NEO1: variants seen among roughly 807,000 people sequenced by gnomAD.
The protein encoded by NEO1 is neogenin.
Under a neutral mutation model 159.7 loss-of-function variants are expected in NEO1, and 63 were observed. The ratio of observed to expected loss-of-function variants is 0.39; its 90% CI spans 0.32 to 0.49. The LOEUF is 0.49. Among genes scored for constraint, NEO1 ranks in the 20% least tolerant of loss-of-function variants. The probability of loss-of-function intolerance (pLI) is 0.85; values close to 1 mark genes in which losing one functional copy is unlikely to be tolerated. For synonymous variants in NEO1, 633 were observed against 662.0 expected (o/e 0.96, Z 0.67); for missense variants, 1,615 against 1,831.0 (o/e 0.88, Z 2.15).
At position 73,270,243 on chromosome 15, in the gene NEO1, C is replaced by A; in HGVS notation, c.2718+10C>A. The A allele has an allele frequency of 1.2e-6, 2 of 1,613,850 alleles. No homozygotes were observed. The highest frequency in any genetic ancestry group is 1.7e-6 in the Non-Finnish European group (2 of 1,179,738). On this transcript the variant is annotated intron_variant, in intron 17 of 28. Coordinates refer to ENST00000261908, the MANE Select transcript of NEO1 (RefSeq NM_002499.4). ...AAACACCAAGTACAAGGTACTGACA[C>A]ATTTGCCCTGGCTGAAAAAAGCTAA...
intron 4 of NEO1, among the ~76,000 whole-genome samples, chr15:73,134,652 G>T (rs1467219922): frequency 6.6e-6 from 1 of 151,718 alleles, no homozygotes; most frequent in African/African-American, 2.4e-5. Flanking sequence ...CCGGGTTCAA[G>T]CGATTCTCCT....
intron 11 of NEO1, 23 bp downstream of exon 11, chr15:73,249,744 C>A: frequency 6.3e-7 from 1 of 1,595,684 alleles, no homozygotes. Context: ...TCCTCTGGAA[C>A]GATATACCAC....
At chr15:73,147,986 G>A (rs1293620714) in intron 5 of NEO1, among the ~76,000 whole-genome samples, 1 of 151,852 alleles carries the variant, frequency 6.6e-6, no homozygotes, top group Non-Finnish European at 1.5e-5. Context: ...GCTAATTTTT[G>A]TAGTTTTGCT....
chr15:73,086,777 C>T lies in NEO1; in HGVS notation c.131-29763C>T, dbSNP rs981491780. On this transcript the variant is annotated intron_variant, in intron 1 of 28. Coordinates refer to ENST00000261908, the MANE Select transcript of NEO1 (RefSeq NM_002499.4). The stretch of plus-strand genomic sequence containing the variant: ...TCACACGATTCTCCTGCCTCAGCCT[C>T]CTGAGTAGCTAGGATTACAGGCACA... Among the ~76,000 whole-genome samples the T allele has an allele frequency of 2.1e-5, 3 of 141,058 alleles. No individual in the cohort carries two copies. In the East Asian group the frequency reaches 6.0e-4, roughly 28 times the overall value. The allele number at this position is 141,058 out of a possible 152,430, so 92.5% of individuals were successfully genotyped here. A position where few individuals can be genotyped will look rare whatever the true frequency, so the allele number is the denominator to read the frequency against.
rs766288071 is a variant in NEO1, at chr15:73,236,404, T to C, written c.1349T>C (p.Val450Ala). ...CCTCGGGATGTCGTGGCCTCCCTGG[T>C]CTCTACCCGCTTCATCAAATTGACG... ...SAPRDVVASL[V>A]STRFIKLTWR... is the part of the protein sequence containing the mutation. The change falls in exon 8 of 29, where the codon GTC (valine) becomes GCC (alanine). Residue 450 changes from valine (V) to alanine (A), a missense_variant. Coordinates refer to ENST00000261908, the MANE Select transcript of NEO1 (RefSeq NM_002499.4). The C allele has an allele frequency of 6.2e-7, 1 of 1,614,098 alleles. No individual in the cohort carries two copies. Among genetic ancestry groups the C allele is most frequent in the East Asian group, 2.2e-5 (1 of 44,870 alleles).
intron 18 of NEO1, 152 bp downstream of exon 18, chr15:73,270,606 T>G (rs201344611): frequency 7.1e-6 from 6 of 848,160 alleles, no homozygotes; most frequent in Non-Finnish European, 1.8e-6. Context: ...GTGTTTTTAA[T>G]TACTGAACAA....
chr15:73,301,335 A>G lies in NEO1; in HGVS notation c.4180A>G (p.Ile1394Val), dbSNP rs547750308. 4.3e-6 allele frequency: 7 copies of G among 1,614,118 alleles called. No individual in the cohort carries two copies. The African/African-American group carries it at 5.3e-5, about 12-fold the overall frequency. Residue 1394 changes from isoleucine (I) to valine (V), a missense_variant, in exon 28 of 29, where the codon ATT (isoleucine) becomes GTT (valine). Around this residue, in one of 3 missense-constraint regions of NEO1, gnomAD observed 471 missense variants for 498.9 expected, o/e 0.94. Coordinates refer to ENST00000261908, the MANE Select transcript of NEO1 (RefSeq NM_002499.4). Reference sequence around the variant, plus strand: ...TTTCCCCTCAGCTCTGAACCATCACATTCACTCAGTGAAGACAGCCTCCAT... The same window carrying G: ...TTTCCCCTCAGCTCTGAACCATCACGTTCACTCAGTGAAGACAGCCTCCAT... ...LLSQQALNHHIHSVKTASIGT... is the reference protein window; with the variant it reads ...LLSQQALNHHVHSVKTASIGT...
rs1442084026 is a variant in NEO1 at position 73,283,070 on chromosome 15, C to T, written c.3369C>T (p.Ile1123=). 1.1e-5 allele frequency: 18 copies of T among 1,614,170 alleles called. No homozygotes were observed. Among genetic ancestry groups the T allele is most frequent in the Admixed American group, 1.7e-5 (1 of 60,020 alleles). Residue 1123 remains isoleucine, a synonymous_variant, in exon 23 of 29, where the codon ATC becomes ATT. Coordinates refer to ENST00000261908, the MANE Select transcript of NEO1 (RefSeq NM_002499.4). Reference sequence around the variant, plus strand: ...TCACCATCGTGGTGGTTGTGATTATCGCTGTCTTTTGTACCCGTCGTACCA... The same window carrying T: ...TCACCATCGTGGTGGTTGTGATTATTGCTGTCTTTTGTACCCGTCGTACCA... ...GVITIVVVVI[I]AVFCTRRTTS... is the part of the protein sequence containing the mutation.
At chr15:73,284,719 G>T (rs1444770671) in intron 23 of NEO1, among the ~76,000 whole-genome samples, 2 of 151,702 alleles carry the variant, frequency 1.3e-5, no homozygotes, top group African/African-American at 4.8e-5. Context: ...CCAAGTAGCT[G>T]GGATTACAGG....
intron 4 of NEO1, among the ~76,000 whole-genome samples, chr15:73,129,424 TA>T (rs774042719): frequency 3.5e-4 from 54 of 152,280 alleles, no homozygotes; most frequent in Non-Finnish European, 3.2e-4. Flanking sequence ...CTTAAATAAC[TA>T]AACATCCTTC....
intron 1 of NEO1, among the ~76,000 whole-genome samples, chr15:73,085,204 T>G (rs924782606): frequency 6.6e-6 from 1 of 152,182 alleles, no homozygotes; most frequent in Non-Finnish European, 1.5e-5. Context: ...CTTTCCCTTT[T>G]CCGGGCATAA....
chr15:73,097,357 CTTTTT>C (rs34372480), intron 1 of NEO1, among the ~76,000 whole-genome samples: 3 of 102,960 alleles, frequency 2.9e-5, no homozygotes, highest in Non-Finnish European at 5.5e-5. Context: ...GTCAGAGCCT[CTTTTT>C]TTTTTTTTTT....
intron 5 of NEO1, among the ~76,000 whole-genome samples, chr15:73,138,219 A>G (rs1219828182): frequency 6.6e-6 from 1 of 152,228 alleles, no homozygotes; most frequent in East Asian, 1.9e-4. Context: ...AAAGAAAAAG[A>G]TTGGATTGTA....
At chr15:73,171,513 A>G (rs140657546) in intron 5 of NEO1, among the ~76,000 whole-genome samples, 2 of 151,884 alleles carry the variant, frequency 1.3e-5, no homozygotes, top group African/African-American at 2.4e-5. Flanking sequence ...GCAGTGAGCC[A>G]TGATCATGCC....
Position 73,244,478 on chromosome 15 carries a change from G to A in NEO1, c.1586G>A (p.Arg529Gln), listed in dbSNP as rs755755716. Residue 529 changes from arginine to glutamine, a missense_variant, in exon 9 of 29, where the codon CGA (arginine) becomes CAA (glutamine). By Grantham distance (43) the Arg-to-Gln change is conservative. Transcript: ENST00000261908. ...TCAGGAGAGAGTTCAGCTCCACTGCGAGTAGAAACACAACCTGAGGGTAAG... is the reference window on the plus strand; with the variant it reads ...TCAGGAGAGAGTTCAGCTCCACTGCAAGTAGAAACACAACCTGAGGGTAAG... ...HGSGESSAPL[R>Q]VETQPEVQLP... 25 of 1,613,496 alleles carry A rather than the reference G, an allele frequency of 1.5e-5. No individual in the cohort carries two copies. The highest frequency in any genetic ancestry group is 4.5e-5 in the East Asian group (2 of 44,864).
At chr15:73,066,242 G>GTCTTGA (rs1555420542) in intron 1 of NEO1, among the ~76,000 whole-genome samples, 1 of 149,734 alleles carries the variant, frequency 6.7e-6, no homozygotes, top group African/African-American at 2.5e-5. Flanking sequence ...AGCCAGGATG[G>GTCTTGA]TCTCCTGACC....
chr15:73,202,642 T>C (rs2036966779), intron 7 of NEO1, among the ~76,000 whole-genome samples: 1 of 152,204 alleles, frequency 6.6e-6, no homozygotes, highest in African/African-American at 2.4e-5. Flanking sequence ...TACAGTAAAA[T>C]GTACATAGCC....
In NEO1 at chr15:73,216,780, G is replaced by A. The variant is rs1275451712; in HGVS notation, c.1292-19567G>A. Among the ~76,000 whole-genome samples, 6 of 152,188 alleles carry A rather than the reference G, an allele frequency of 3.9e-5. No homozygotes were observed. In the East Asian group the frequency reaches 1.2e-3, roughly 29 times the overall value. On this transcript the variant is annotated intron_variant, in intron 7 of 28. Transcript: ENST00000261908. ...CCTTCGCCCACTTTTTGATGGGGTT[G>A]TTTTTTTCTTGTAAATTTGTTTGAA...
intron 7 of NEO1, among the ~76,000 whole-genome samples, chr15:73,217,555 T>C (rs1178211537): frequency 1.3e-5 from 2 of 152,164 alleles, no homozygotes; most frequent in African/African-American, 2.4e-5. Context: ...ATTCTTCCTA[T>C]CCATGAGCAT....
Sources: allele counts gnomAD v4.1 joint callset (sites outside exome capture counted in the v4.1 genomes callset), GRCh38; gene constraint gnomAD v4.1.1; regional missense constraint gnomAD v4.1.1; transcripts MANE v1.5; gene names NCBI Gene and HGNC (gene_info 2026-07-23, HGNC 2026-07-21).